Variants in CPEB2 observed in about 807,000 individuals in gnomAD.
CPEB2 encodes the protein cytoplasmic polyadenylation element-binding protein 2.
CPEB2 carries 56 observed loss-of-function variants against 93.6 expected under a neutral mutation model. The ratio of observed to expected loss-of-function variants is 0.60; its 90% CI spans 0.48 to 0.75. CPEB2 has a LOEUF of 0.75. CPEB2 is among the 30% of genes least tolerant of loss of function. The probability of loss-of-function intolerance (pLI) is 0.00; values close to 1 mark genes in which losing one functional copy is unlikely to be tolerated. For synonymous variants in CPEB2, 764 were observed against 586.3 expected (o/e 1.30, Z -4.38); for missense variants, 1,579 against 1,395.1 (o/e 1.13, Z -2.10).
At chr4:15,012,558 A>G (rs1723627254) in intron 3 of CPEB2, among the ~76,000 whole-genome samples, 1 of 152,170 alleles carries the variant, frequency 6.6e-6, no homozygotes, top group Non-Finnish European at 1.5e-5. Flanking sequence ...AGAGAATGAG[A>G]AGAGAGCTTA....
chr4:15,053,675 T>C (rs1166131443), intron 7 of CPEB2, among the ~76,000 whole-genome samples: 1 of 152,212 alleles, frequency 6.6e-6, no homozygotes, highest in Non-Finnish European at 1.5e-5. Flanking sequence ...CTACCAGGCA[T>C]GTATCAGACC....
intron 4 of CPEB2, among the ~76,000 whole-genome samples, chr4:15,021,490 C>T (rs555733476): frequency 1.1e-4 from 16 of 152,132 alleles, no homozygotes; most frequent in African/African-American, 3.9e-4. Flanking sequence ...CTTCCCTGCC[C>T]CCAACAATTT....
At position 15,003,921 on chromosome 4, in the gene CPEB2, G is replaced by C; in HGVS notation, c.1248G>C (p.Gln416His). The change falls in exon 1 of 12, where the codon CAG (glutamine) becomes CAC (histidine). Residue 416 changes from glutamine (Q) to histidine (H), a missense_variant. This residue lies in a region of CPEB2 where 1,411 missense variants were observed against 1,056.0 expected (regional missense o/e 1.34). Transcript: ENST00000538197. ...PPPPQQPPQP[Q>H]PQPPGSSATT... Reference sequence around the variant, plus strand: ...CACCCCAGCAGCCGCCCCAGCCGCAGCCGCAGCCGCCCGGCTCGTCTGCCA... The same window carrying C: ...CACCCCAGCAGCCGCCCCAGCCGCACCCGCAGCCGCCCGGCTCGTCTGCCA... 1 of 1,072,314 alleles carries C rather than the reference G, an allele frequency of 9.3e-7. No individual in the cohort carries two copies. Among genetic ancestry groups the C allele is most frequent in the African/African-American group, 1.7e-5 (1 of 59,128 alleles). 66.4% of individuals were successfully genotyped at this position (1,072,314 alleles called of 1,614,324 possible).
intron 6 of CPEB2, among the ~76,000 whole-genome samples, chr4:15,045,493 A>G (rs1727582141): frequency 6.6e-6 from 1 of 152,082 alleles, no homozygotes; most frequent in Non-Finnish European, 1.5e-5. Flanking sequence ...GTTGCCTTGT[A>G]GTAGGGTCAA....
chr4:15,042,083 C>T (rs1727239587), intron 6 of CPEB2, among the ~76,000 whole-genome samples: 3 of 152,184 alleles, frequency 2.0e-5, no homozygotes. Flanking sequence ...AGTAATGGAG[C>T]TTCAGTTCTC....
chr4:15,046,152 T>C (rs1727669174), intron 6 of CPEB2, among the ~76,000 whole-genome samples: 1 of 152,196 alleles, frequency 6.6e-6, no homozygotes, highest in South Asian at 2.1e-4. Context: ...ATAGAGCAAG[T>C]ATATGTTCAA....
chr4:15,025,720 G>C (rs1222836057), intron 4 of CPEB2, among the ~76,000 whole-genome samples: 1 of 151,896 alleles, frequency 6.6e-6, no homozygotes, highest in Non-Finnish European at 1.5e-5. Context: ...TTTACACACA[G>C]TTATAACCAG....
intron 11 of CPEB2, among the ~76,000 whole-genome samples, chr4:15,065,110 G>A (rs1343031359): frequency 6.6e-6 from 1 of 152,024 alleles, no homozygotes; most frequent in Non-Finnish European, 1.5e-5. Flanking sequence ...ACATCCTACA[G>A]TTCTTGTAAT....
intron 3 of CPEB2, among the ~76,000 whole-genome samples, chr4:15,012,938 C>CA (rs1196338932): frequency 2.0e-5 from 3 of 151,444 alleles, no homozygotes; most frequent in South Asian, 2.1e-4. Context: ...TGTATCCCAG[C>CA]AAAAAAAATT....
intron 6 of CPEB2, among the ~76,000 whole-genome samples, chr4:15,049,786 A>G (rs1728050085): frequency 6.6e-6 from 1 of 152,204 alleles, no homozygotes; most frequent in Non-Finnish European, 1.5e-5. Context: ...AATCTTTAGA[A>G]TAATTCATTT....
Position 15,059,254 on chromosome 4 carries a change from C to T in CPEB2, c.2648C>T (p.Pro883Leu). The T allele has an allele frequency of 6.2e-7, 1 of 1,612,912 alleles. No individual in the cohort carries two copies. The highest frequency in any genetic ancestry group is 8.5e-7 in the Non-Finnish European group (1 of 1,179,256). Residue 883 changes from proline to leucine, a missense_variant, in exon 10 of 12, where the codon CCC (proline) becomes CTC (leucine). Around this residue, in one of 2 missense-constraint regions of CPEB2, gnomAD observed 168 missense variants for 339.1 expected, o/e 0.50. Transcript: ENST00000538197. Reference sequence around the variant, plus strand: ...ATGGATGGTTCTCAGCCTTTGGATCCCCGAAAAACAATTTTTGTTGGAGGT... The same window carrying T: ...ATGGATGGTTCTCAGCCTTTGGATCTCCGAAAAACAATTTTTGTTGGAGGT... Reference protein sequence around the residue: ...FVMDGSQPLDPRKTIFVGGVP... With the variant: ...FVMDGSQPLDLRKTIFVGGVP...
chr4:15,004,596 G>T (rs920771414), intron 1 of CPEB2, among the ~76,000 whole-genome samples: 9 of 152,072 alleles, frequency 5.9e-5, no homozygotes, highest in African/African-American at 2.2e-4. Context: ...GCCGCGGCTG[G>T]CCGGGCGCCC....
intron 6 of CPEB2, among the ~76,000 whole-genome samples, chr4:15,044,822 C>T (rs191012631): frequency 6.6e-5 from 10 of 152,154 alleles, no homozygotes; most frequent in Admixed American, 1.3e-4. Flanking sequence ...GGATGTGTGC[C>T]GCACATACAC....
intron 3 of CPEB2, among the ~76,000 whole-genome samples, chr4:15,011,493 T>A (rs1201570764): frequency 2.0e-5 from 3 of 152,144 alleles, no homozygotes; most frequent in Non-Finnish European, 4.4e-5. Context: ...CTCAAAAGTT[T>A]GAATTCTAAA....
intron 5 of CPEB2, among the ~76,000 whole-genome samples, chr4:15,034,670 A>C (rs1380368929): frequency 2.0e-5 from 3 of 152,216 alleles, no homozygotes; most frequent in Non-Finnish European, 4.4e-5. Context: ...AAAAGAAACA[A>C]TTTGATCCAA....
chr4:15,032,131 C>T (rs1289839797), intron 4 of CPEB2, among the ~76,000 whole-genome samples: 1 of 151,970 alleles, frequency 6.6e-6, no homozygotes, highest in Non-Finnish European at 1.5e-5. Flanking sequence ...AGGGTCTTGC[C>T]CTGTTGCTCA....
Position 15,069,157 on chromosome 4 carries a change from TAAG to T in CPEB2, c.*2781_*2783del, listed in dbSNP as rs1172023423. The T allele has an allele frequency of 6.6e-6, 1 of 152,280 alleles. No homozygotes were observed. The highest frequency in any genetic ancestry group is 1.5e-5 in the Non-Finnish European group (1 of 67,840). The allele number at this position is 152,280 out of a possible 1,614,324, so 9.4% of individuals were successfully genotyped here. On this transcript the variant is annotated 3_prime_UTR_variant, in exon 12 of 12. Coordinates refer to ENST00000538197, the MANE Select transcript of CPEB2 (RefSeq NM_001177382.2). ...TACTTTAAAAATCCACACTTTTTGT[TAAG>T]AAGGAAACATTTAGCATTTATATAT... is the stretch of plus-strand genomic sequence containing the variant.
rs1217558903 is a variant in CPEB2, at chr4:15,004,236, G to A, written c.1563G>A (p.Pro521=). Residue 521 remains proline, a synonymous_variant, in exon 1 of 12, where the codon CCG becomes CCA. Coordinates refer to ENST00000538197, the MANE Select transcript of CPEB2 (RefSeq NM_001177382.2). The part of the protein sequence containing the change: ...QPPPPAAPQQ[P]QSRRSPVSPQ... ...CGCCGCCCGCGGCGCCGCAGCAGCC[G>A]CAGAGCCGGAGGTCGCCCGTCAGCC... is the stretch of plus-strand genomic sequence containing the variant. 3.4e-6 allele frequency: 5 copies of A among 1,478,288 alleles called. No individual in the cohort carries two copies. Among genetic ancestry groups the A allele is most frequent in the Admixed American group, 4.5e-5 (2 of 44,470 alleles). The allele number at this position is 1,478,288 out of a possible 1,614,324, so 91.6% of individuals were successfully genotyped here. A position where few individuals can be genotyped will look rare whatever the true frequency, so the allele number is the denominator to read the frequency against.
chr4:15,019,508 T>G (rs894186857), intron 4 of CPEB2, among the ~76,000 whole-genome samples: 1 of 152,072 alleles, frequency 6.6e-6, no homozygotes, highest in Non-Finnish European at 1.5e-5. Context: ...TTGCTTTCCT[T>G]CTTTCCATTA....
Sources: gnomAD v4.1 joint callset for allele counts (sites outside exome capture counted in the v4.1 genomes callset) on GRCh38, gnomAD v4.1.1 for gene constraint, gnomAD v4.1.1 regional missense constraint, MANE v1.5 for transcripts, NCBI Gene and HGNC (gene_info 2026-07-23, HGNC 2026-07-21) for gene names.